Variants in DOCK2 observed in about 807,000 individuals in gnomAD.
The protein encoded by DOCK2 is dedicator of cytokinesis protein 2.
Under a neutral mutation model 248.9 loss-of-function variants are expected in DOCK2, and 87 were observed. The ratio of observed to expected loss-of-function variants is 0.35; its 90% CI spans 0.29 to 0.42. The LOEUF is 0.42. Ranked by LOEUF, DOCK2 falls within the 10% of genes least tolerant of loss-of-function variation. The pLI is 1.00. For missense variants in DOCK2, 1,747 were observed against 2,300.2 expected (o/e 0.76, Z 4.92); for synonymous variants, 805 against 821.6 (o/e 0.98, Z 0.35).
intron 25 of DOCK2, among the ~76,000 whole-genome samples, chr5:169,761,920 A>G (rs1252629937): frequency 2.0e-5 from 3 of 152,174 alleles, no homozygotes; most frequent in Admixed American, 1.3e-4. Flanking sequence ...CTCAAAGGGA[A>G]ATGGATAAAG....
At chr5:169,886,356 A>G (rs1018505008) in intron 27 of DOCK2, among the ~76,000 whole-genome samples, 1 of 152,164 alleles carries the variant, frequency 6.6e-6, no homozygotes, top group African/African-American at 2.4e-5. Context: ...ATTCCAAACA[A>G]TGCAACTTTT....
intron 27 of DOCK2, among the ~76,000 whole-genome samples, chr5:169,923,479 G>T (rs1240868368): frequency 9.1e-6 from 1 of 110,216 alleles, no homozygotes; most frequent in Non-Finnish European, 1.8e-5. Context: ...GTGCATGCAC[G>T]TGGGCACACA....
At chr5:169,718,589 T>A (rs1762025615) in intron 21 of DOCK2, 68 bp from the exon 22 acceptor site, 1 of 1,557,364 alleles carries the variant, frequency 6.4e-7, no homozygotes. Context: ...GAATGCCTTA[T>A]AATTTACTGA....
At position 170,028,013 on chromosome 5, in the gene DOCK2, A is replaced by G. The variant is rs576706265; in HGVS notation, c.3467+65A>G. 21 of 1,457,530 alleles carry G rather than the reference A, an allele frequency of 1.4e-5. No homozygotes were observed. In the African/African-American group the frequency reaches 2.4e-4, roughly 17 times the overall value. 90.3% of individuals were successfully genotyped at this position (1,457,530 alleles called of 1,614,324 possible). On this transcript the variant is annotated intron_variant, in intron 34 of 51. Coordinates refer to ENST00000520908, the MANE Select transcript of DOCK2 (RefSeq NM_004946.3). ...GTCAGGTGAGGCGGGAGGGCTCAGA[A>G]CTCCAGGGGGCTCCGAGTGGCTCTG...
intron 27 of DOCK2, among the ~76,000 whole-genome samples, chr5:169,905,514 G>A (rs2113599839): frequency 6.6e-6 from 1 of 152,276 alleles, no homozygotes; most frequent in South Asian, 2.1e-4. Flanking sequence ...GAGTATGTTG[G>A]GAGAGGACAG....
intron 27 of DOCK2, among the ~76,000 whole-genome samples, chr5:169,903,919 G>A (rs1278008888): frequency 6.6e-6 from 1 of 151,968 alleles, no homozygotes; most frequent in Non-Finnish European, 1.5e-5. Context: ...GGCCAACATG[G>A]CGAAGCTCTG....
chr5:169,837,995 A>T (rs78007553), intron 26 of DOCK2, among the ~76,000 whole-genome samples: 1 of 45,280 alleles, frequency 2.2e-5, no homozygotes, highest in Non-Finnish European at 4.3e-5. Context: ...GTAATCCTGG[A>T]AAAAAAATAG....
At chr5:169,841,309 C>T (rs1769957919) in intron 27 of DOCK2, 5 of 990,944 alleles carry the variant, frequency 5.0e-6, no homozygotes, top group Non-Finnish European at 6.0e-6. Flanking sequence ...GTCATTACTA[C>T]ATATTGAGCT....
At chr5:169,898,844 C>T (rs910364203) in intron 27 of DOCK2, among the ~76,000 whole-genome samples, 14 of 152,086 alleles carry the variant, frequency 9.2e-5, no homozygotes, top group African/African-American at 2.2e-4. Flanking sequence ...GGCCCGTGGA[C>T]GGTAGTTTGC....
chr5:170,080,566 C>T, intron 50 of DOCK2: 2 of 402,082 alleles, frequency 5.0e-6, no homozygotes, highest in South Asian at 4.0e-5. Context: ...CTAGGTGGCC[C>T]CTTGTTCTCA....
Position 169,671,082 on chromosome 5 carries a change from A to G in DOCK2, c.229A>G (p.Thr77Ala), listed in dbSNP as rs1203174226. Residue 77 changes from threonine to alanine, a missense_variant, in exon 5 of 52, where the codon ACT becomes GCT. Thr to Ala is a moderately conservative substitution (Grantham distance 58, BLOSUM62 0). This residue lies in a region of DOCK2 where 375 missense variants were observed against 510.9 expected (regional missense o/e 0.73). Coordinates refer to ENST00000520908, the MANE Select transcript of DOCK2 (RefSeq NM_004946.3). ...KEVTVEKRRN[T>A]ENIIPAEIPL... ...TTTTTCTCCCACCTTAAATAGAAAT[A>G]CTGAGAACATCATTCCTGCAGAAAT... is the stretch of plus-strand genomic sequence containing the variant. 6.2e-7 allele frequency: 1 copy of G among 1,613,938 alleles called. No homozygotes were observed. Among genetic ancestry groups the G allele is most frequent in the South Asian group, 1.1e-5 (1 of 91,042 alleles).
chr5:169,719,732 T>C (rs1762092824), intron 22 of DOCK2, among the ~76,000 whole-genome samples: 1 of 152,250 alleles, frequency 6.6e-6, no homozygotes, highest in East Asian at 1.9e-4. Flanking sequence ...GAAGCAACTC[T>C]ATGTTCCTTG....
chr5:169,897,194 CT>C (rs374567890), intron 27 of DOCK2, among the ~76,000 whole-genome samples: 19 of 151,068 alleles, frequency 1.3e-4, no homozygotes, highest in African/African-American at 4.4e-4. Context: ...AATGTGAGCT[CT>C]TTTTTTTTGA....
chr5:169,828,240 T>G (rs1186093258), intron 26 of DOCK2, among the ~76,000 whole-genome samples: 1 of 152,208 alleles, frequency 6.6e-6, no homozygotes, highest in Non-Finnish European at 1.5e-5. Context: ...CCTCTGTCAT[T>G]TCTTAGCAAA....
intron 27 of DOCK2, among the ~76,000 whole-genome samples, chr5:169,897,611 C>T (rs151223398): frequency 9.5e-4 from 145 of 152,290 alleles, no homozygotes; most frequent in Non-Finnish European, 1.9e-3. Context: ...GAGACAGAAC[C>T]ACAGCCCCAT....
At chr5:169,724,570 C>G (rs950725903) in intron 22 of DOCK2, among the ~76,000 whole-genome samples, 1 of 151,974 alleles carries the variant, frequency 6.6e-6, no homozygotes, top group Non-Finnish European at 1.5e-5. Flanking sequence ...CACAGTTCCA[C>G]TGGCCTGCAC....
chr5:169,789,244 C>G (rs1445629316), intron 25 of DOCK2, among the ~76,000 whole-genome samples: 1 of 152,136 alleles, frequency 6.6e-6, no homozygotes, highest in Non-Finnish European at 1.5e-5. Flanking sequence ...TTTTGTTTAT[C>G]CAGTCTTTTA....
chr5:169,938,467 C>T lies in DOCK2; in HGVS notation c.2800-44601C>T, dbSNP rs79584741. 8.7e-3 allele frequency among the ~76,000 whole-genome samples: 1,319 copies of T among 152,228 alleles called. 57 individuals are homozygous for T. The East Asian group carries it at 0.12, about 14-fold the overall frequency. On this transcript the variant is annotated intron_variant, in intron 27 of 51. Transcript: ENST00000520908. ...AAACCTGTATAGCATGTTACTCTCC[C>T]GAATACTGTAGGCAATTAGAACACA...
intron 27 of DOCK2, among the ~76,000 whole-genome samples, chr5:169,970,559 C>T (rs1283525765): frequency 6.6e-6 from 1 of 152,168 alleles, no homozygotes; most frequent in East Asian, 1.9e-4. Flanking sequence ...ACCACCCAAC[C>T]TCTCTGGTCC....
Sources: allele counts gnomAD v4.1 joint callset (sites outside exome capture counted in the v4.1 genomes callset), GRCh38; gene constraint gnomAD v4.1.1; regional missense constraint gnomAD v4.1.1; transcripts MANE v1.5; gene names NCBI Gene and HGNC (gene_info 2026-07-23, HGNC 2026-07-21).